Variants in MLLT10 observed in about 807,000 individuals in gnomAD.
MLLT10 encodes the protein protein AF-10.
MLLT10 carries 30 observed loss-of-function variants against 129.1 expected under a neutral mutation model. That is an observed-to-expected ratio of 0.23 (90% confidence interval 0.17 to 0.32). The LOEUF (loss-of-function observed/expected upper bound fraction) is 0.32. MLLT10 is among the 10% of genes least tolerant of loss of function. MLLT10 has a pLI of 1.00. For missense variants in MLLT10, 1,119 were observed against 1,268.3 expected (o/e 0.88, Z 1.79); for synonymous variants, 490 against 446.4 (o/e 1.10, Z -1.23).
intron 3 of MLLT10, among the ~76,000 whole-genome samples, chr10:21,551,288 CCTTTTT>C (rs2036976207): frequency 8.1e-6 from 1 of 122,862 alleles, no homozygotes; most frequent in African/African-American, 3.5e-5. Flanking sequence ...TCGGATTGTA[CCTTTTT>C]TTTTTTTTTT....
chr10:21,570,220 G>T (rs2040053619), intron 3 of MLLT10, among the ~76,000 whole-genome samples: 1 of 149,070 alleles, frequency 6.7e-6, no homozygotes, highest in African/African-American at 2.5e-5. Context: ...ATTTGTGTGT[G>T]TGTGTGTGTG....
intron 3 of MLLT10, among the ~76,000 whole-genome samples, chr10:21,560,423 CT>C (rs920527112): frequency 6.6e-6 from 1 of 151,880 alleles, no homozygotes; most frequent in Non-Finnish European, 1.5e-5. Context: ...TTCTTCAATT[CT>C]TCTTATTTTC....
At chr10:21,663,300 A>G (rs952695670) in intron 9 of MLLT10, among the ~76,000 whole-genome samples, 1 of 151,798 alleles carries the variant, frequency 6.6e-6, no homozygotes, top group Non-Finnish European at 1.5e-5. Context: ...TTTCCCTGGT[A>G]CTGGTTCCTG....
intron 9 of MLLT10, among the ~76,000 whole-genome samples, chr10:21,659,910 A>G (rs1354543408): frequency 6.6e-6 from 1 of 152,072 alleles, no homozygotes; most frequent in Non-Finnish European, 1.5e-5. Flanking sequence ...TACCACAGTG[A>G]TGATTGTTCC....
intron 3 of MLLT10, among the ~76,000 whole-genome samples, chr10:21,555,578 C>T (rs1049335471): frequency 2.6e-5 from 4 of 151,990 alleles, no homozygotes; most frequent in Non-Finnish European, 1.5e-5. Flanking sequence ...TCTTCTGCTC[C>T]TTGAACTCTT....
At chr10:21,719,561 A>G (rs2056989241) in intron 14 of MLLT10, among the ~76,000 whole-genome samples, 1 of 152,186 alleles carries the variant, frequency 6.6e-6, no homozygotes, top group Non-Finnish European at 1.5e-5. Context: ...AAACGTTGTT[A>G]GTAATTTTAC....
chr10:21,727,661 C>T (rs566072521), intron 15 of MLLT10, among the ~76,000 whole-genome samples, 195 bp from the exon 16 acceptor site: 4 of 152,298 alleles, frequency 2.6e-5, no homozygotes, highest in South Asian at 4.2e-4. Flanking sequence ...CCCACAAAAA[C>T]GTGTAGGGAC....
intron 6 of MLLT10, among the ~76,000 whole-genome samples, chr10:21,613,106 A>T (rs1589231837): frequency 1.3e-5 from 2 of 150,350 alleles, no homozygotes; most frequent in East Asian, 3.9e-4. Context: ...AGGCAAGAGA[A>T]TCGCTTAAAC....
In MLLT10 at chr10:21,743,293, T is replaced by C. The variant is rs1032739969; in HGVS notation, c.*1310T>C. 1.3e-5 allele frequency: 3 copies of C among 225,132 alleles called. No individual in the cohort carries two copies. Among genetic ancestry groups the C allele is most frequent in the African/African-American group, 4.5e-5 (2 of 44,924 alleles). The allele number at this position is 225,132 out of a possible 1,614,324, so 13.9% of individuals were successfully genotyped here. A position where few individuals can be genotyped will look rare whatever the true frequency, so the allele number is the denominator to read the frequency against. On this transcript the variant is annotated 3_prime_UTR_variant, in exon 23 of 23. Coordinates refer to ENST00000307729, the MANE Select transcript of MLLT10 (RefSeq NM_001195626.3). ...AACATTGCACAGTTCTTACCTCATT[T>C]CTGTAAATAAAGTTTTGTGAATCTG... is the stretch of plus-strand genomic sequence containing the variant.
chr10:21,562,741 A>G (rs1376875543), intron 3 of MLLT10, among the ~76,000 whole-genome samples: 1 of 150,416 alleles, frequency 6.6e-6, no homozygotes, highest in Admixed American at 6.6e-5. Context: ...AGTTTATTTC[A>G]GTAAAGTTTT....
chr10:21,676,720 CAAAAAAAAAAAAAAAAAAAAA>C lies in MLLT10; in HGVS notation c.1621+2817_1621+2837del, dbSNP rs56000691. ...TGGGAGACAGAGCGAGACTCCATCT[CAAAAAAAAAAAAAAAAAAAAA>C]AAAAAAAAAAAAAAATTACTCTGAA... On this transcript the variant is annotated intron_variant, in intron 11 of 22. Coordinates refer to ENST00000307729, the MANE Select transcript of MLLT10 (RefSeq NM_001195626.3). 2.5e-4 allele frequency among the ~76,000 whole-genome samples: 8 copies of C among 32,012 alleles called. No homozygotes were observed. The East Asian group carries it at 7.3e-3, about 29-fold the overall frequency. The allele number at this position is 32,012 out of a possible 152,430, so 21.0% of individuals were successfully genotyped here. A position where few individuals can be genotyped will look rare whatever the true frequency, so the allele number is the denominator to read the frequency against.
intron 14 of MLLT10, among the ~76,000 whole-genome samples, chr10:21,714,681 G>A (rs1264397664): frequency 4.6e-5 from 7 of 152,102 alleles, no homozygotes; most frequent in African/African-American, 1.4e-4. Context: ...ACAGGCACAC[G>A]CCACCATGCC....
At chr10:21,543,482 T>G (rs2035558578) in intron 3 of MLLT10, among the ~76,000 whole-genome samples, 1 of 151,778 alleles carries the variant, frequency 6.6e-6, no homozygotes, top group South Asian at 2.1e-4. Context: ...AAAATATATA[T>G]TATGTTTTTT....
intron 13 of MLLT10, among the ~76,000 whole-genome samples, chr10:21,712,815 C>T (rs1033622378): frequency 6.6e-6 from 1 of 152,248 alleles, no homozygotes; most frequent in African/African-American, 2.4e-5. Flanking sequence ...GGGGCAAAAT[C>T]ACCCCTGGTT....
intron 8 of MLLT10, among the ~76,000 whole-genome samples, chr10:21,651,360 ATGCCTGGCCGTATT>A (rs2049015612): frequency 6.6e-6 from 1 of 152,114 alleles, no homozygotes; most frequent in South Asian, 2.1e-4. Flanking sequence ...GTGAGCCACC[ATGCCTGGCCGTATT>A]TGGTGTTTTT....
intron 11 of MLLT10, among the ~76,000 whole-genome samples, chr10:21,680,537 T>C (rs1247265243): frequency 6.6e-6 from 1 of 152,190 alleles, no homozygotes; most frequent in African/African-American, 2.4e-5. Context: ...GATAGTGAGC[T>C]GAATATAACT....
intron 4 of MLLT10, among the ~76,000 whole-genome samples, chr10:21,590,842 C>A (rs565357152): frequency 7.2e-5 from 11 of 151,930 alleles, no homozygotes; most frequent in African/African-American, 2.7e-4. Context: ...TTTGCCATCT[C>A]CCTGTTTTCT....
chr10:21,695,061 C>CTTTTTTTTTTTTTTTTTTTT (rs71393922), intron 13 of MLLT10, among the ~76,000 whole-genome samples: 3 of 104,034 alleles, frequency 2.9e-5, no homozygotes, highest in Non-Finnish European at 5.7e-5. Context: ...TTTCTACCTT[C>CTTTTTTTTTTTTTTTTTTTT]TTTTTTTTTT....
chr10:21,622,764 G>A (rs952789735), intron 8 of MLLT10, among the ~76,000 whole-genome samples: 3 of 152,076 alleles, frequency 2.0e-5, no homozygotes, highest in East Asian at 3.9e-4. Flanking sequence ...GACACCAAGT[G>A]GGTATCCTAC....
Sources: gnomAD v4.1 joint callset for allele counts (sites outside exome capture counted in the v4.1 genomes callset) on GRCh38, gnomAD v4.1.1 for gene constraint, MANE v1.5 for transcripts, NCBI Gene and HGNC (gene_info 2026-07-23, HGNC 2026-07-21) for gene names.